CA4: variants seen among roughly 807,000 people sequenced by gnomAD.
CA4 encodes the protein carbonic anhydrase 4, also known as CA-IV.
Under a neutral mutation model 34.5 loss-of-function variants are expected in CA4, and 24 were observed. That is an observed-to-expected ratio of 0.70 (90% confidence interval 0.50 to 0.98). The LOEUF (loss-of-function observed/expected upper bound fraction) is 0.98. Ranked by LOEUF, CA4 falls within the 50% of genes least tolerant of loss-of-function variation. CA4 has a pLI of 0.00. For missense variants in CA4, 394 were observed against 396.7 expected (o/e 0.99, Z 0.06); for synonymous variants, 178 against 170.6 (o/e 1.04, Z -0.34).
intron 1 of CA4, among the ~76,000 whole-genome samples, chr17:60,154,410 C>T (rs1416908788): frequency 6.6e-6 from 1 of 152,178 alleles, no homozygotes; most frequent in Non-Finnish European, 1.5e-5. Context: ...GACTTGCCCC[C>T]AAACCCATCT....
chr17:60,177,767 G>A, the CA4 span, among the ~76,000 whole-genome samples: 1 of 152,264 alleles, frequency 6.6e-6, no homozygotes, highest in East Asian at 1.9e-4. Flanking sequence ...CAAATGCTCT[G>A]AGAACTAGAT....
At chr17:60,159,645 A>G (rs1403627451), downstream of CA4, 2 of 614,040 alleles carry the variant, frequency 3.3e-6, no homozygotes, top group African/African-American at 1.8e-5. Context: ...CTTTAAGGCC[A>G]GGAGATTTCT....
chr17:60,177,135 G>T, the CA4 span, among the ~76,000 whole-genome samples: 1 of 152,202 alleles, frequency 6.6e-6, no homozygotes, highest in East Asian at 1.9e-4. Flanking sequence ...AAGTCAGAAA[G>T]AAATTATTCA....
intron 1 of CA4, 127 bp downstream of exon 1, chr17:60,150,219 C>T (rs2083564951): frequency 3.9e-6 from 3 of 776,908 alleles, no homozygotes; most frequent in Non-Finnish European, 6.1e-6. Flanking sequence ...TCCCGGGTTG[C>T]GTGTGCGCCG....
At position 60,159,278 on chromosome 17, in the gene CA4, A is replaced by T. The variant is rs770755416; in HGVS notation, c.793A>T (p.Ser265Cys). ...KLYYDKEQTV[S>C]MKDNVRPLQQ... ...GTACTACGACAAGGAACAGACAGTG[A>T]GCATGAAGGACAATGTCAGGCCCCT... The change falls in exon 8 of 8, where the codon AGC becomes TGC. Residue 265 changes from serine to cysteine, a missense_variant. Coordinates refer to ENST00000300900, the MANE Select transcript of CA4 (RefSeq NM_000717.5). 5 of 1,610,060 alleles carry T rather than the reference A, an allele frequency of 3.1e-6. No individual in the cohort carries two copies. The East Asian group carries it at 1.1e-4, about 36-fold the overall frequency.
chr17:60,172,370 C>T (rs1280939468), downstream of CA4, among the ~76,000 whole-genome samples: 1 of 152,152 alleles, frequency 6.6e-6, no homozygotes, highest in Non-Finnish European at 1.5e-5. Context: ...CTTCCTCCTC[C>T]ACTTCCTTCA....
intron 5 of CA4, among the ~76,000 whole-genome samples, chr17:60,169,285 G>A (rs1044197081): frequency 6.6e-6 from 1 of 150,934 alleles, no homozygotes; most frequent in African/African-American, 2.5e-5. Flanking sequence ...AGCAGCAGCA[G>A]CAACAGCAGA....
intron 1 of CA4, 134 bp downstream of exon 1, chr17:60,150,226 G>T: frequency 1.4e-6 from 1 of 708,906 alleles, no homozygotes; most frequent in East Asian, 2.9e-5. Context: ...TTGCGTGTGC[G>T]CCGGGGGCCG....
At chr17:60,173,577 A>G (rs1344439603), downstream of CA4, among the ~76,000 whole-genome samples, 7 of 152,212 alleles carry the variant, frequency 4.6e-5, no homozygotes, top group African/African-American at 1.7e-4. Context: ...AATTATGTCT[A>G]CAGAGCTTTT....
chr17:60,155,668 C>CCACACTCACTCACACACACAAACA lies in CA4; in HGVS notation c.112+311_112+334dup, dbSNP rs2083670487. On this transcript the variant is annotated intron_variant, in intron 2 of 7. Transcript: ENST00000300900. ...CACACACACTCACACTCACACAAAC[C>CCACACTCACTCACACACACAAACA]CACACTCACTCACACACACAAACAC... Among the ~76,000 whole-genome samples the CCACACTCACTCACACACACAAACA allele has an allele frequency of 6.0e-5, 9 of 151,224 alleles. No individual in the cohort carries two copies. The South Asian group carries it at 8.4e-4, about 14-fold the overall frequency.
chr17:60,168,501 T>G (rs975217372), intron 5 of CA4, among the ~76,000 whole-genome samples: 4 of 11,134 alleles, frequency 3.6e-4, no homozygotes, highest in Admixed American at 1.3e-3. Context: ...TTTCTTTTTT[T>G]GGGGGGGCAG....
intron 1 of CA4, among the ~76,000 whole-genome samples, chr17:60,150,654 TAAAAAAAAAAAAAAAAAAAAAAAA>T (rs66850461): frequency 8.8e-5 from 3 of 33,910 alleles, no homozygotes; most frequent in Middle Eastern, 0.029. Context: ...GTGCTCCGTT[TAAAAAAAAAAAAAAAAAAAAAAAA>T]AAAAAAAAAA....
intron 1 of CA4, 108 bp from the exon 2 acceptor site, chr17:60,155,206 C>A: frequency 1.0e-6 from 1 of 1,003,580 alleles, no homozygotes; most frequent in Non-Finnish European, 1.5e-6. Context: ...TCCATCCCAG[C>A]CCAAGAGGGG....
downstream of CA4, among the ~76,000 whole-genome samples, chr17:60,171,849 G>A (rs2083913755): frequency 6.6e-6 from 1 of 152,144 alleles, no homozygotes; most frequent in African/African-American, 2.4e-5. Flanking sequence ...AATGCAACTC[G>A]CTCAATATTC....
At chr17:60,154,341 A>T (rs1027975514) in intron 1 of CA4, among the ~76,000 whole-genome samples, 1 of 152,124 alleles carries the variant, frequency 6.6e-6, no homozygotes, top group Admixed American at 6.6e-5. Context: ...AGGCCCTATG[A>T]GGTGGGTATG....
At chr17:60,167,521 G>A (rs2083867798) in intron 5 of CA4, among the ~76,000 whole-genome samples, 1 of 152,230 alleles carries the variant, frequency 6.6e-6, no homozygotes, top group South Asian at 2.1e-4. Context: ...GGTGGCAAAT[G>A]TTTGCAGCAC....
At chr17:60,156,891 C>G in intron 3 of CA4, 176 bp downstream of exon 3, 1 of 674,082 alleles carries the variant, frequency 1.5e-6, no homozygotes, top group Non-Finnish European at 2.6e-6. Context: ...AGTATGTTTT[C>G]GTTACTTTTG....
At chr17:60,165,501 G>C in intron 5 of CA4, among the ~76,000 whole-genome samples, 1 of 152,142 alleles carries the variant, frequency 6.6e-6, no homozygotes, top group East Asian at 1.9e-4. Flanking sequence ...CTGAAAGAAG[G>C]GGCTCTCGGC....
the CA4 span, among the ~76,000 whole-genome samples, chr17:60,176,197 G>T: frequency 1.3e-5 from 2 of 152,108 alleles, no homozygotes; most frequent in African/African-American, 4.8e-5. Context: ...CATCAGAATA[G>T]CAAGGAGGTA....
Sources: gnomAD v4.1 joint callset for allele counts (sites outside exome capture counted in the v4.1 genomes callset) on GRCh38, gnomAD v4.1.1 for gene constraint, MANE v1.5 for transcripts, NCBI Gene and HGNC (gene_info 2026-07-23, HGNC 2026-07-21) for gene names.